The following TANC1 variants were observed in gnomAD, a reference collection of about 807,000 sequenced individuals.
The protein encoded by TANC1 is protein TANC1.
A neutral mutation model predicts 149.7 loss-of-function variants in TANC1; 77 were observed. The ratio of observed to expected loss-of-function variants is 0.51; its 90% CI spans 0.43 to 0.62. The LOEUF (loss-of-function observed/expected upper bound fraction) is 0.62. Among genes scored for constraint, TANC1 ranks in the 20% least tolerant of loss-of-function variants. TANC1 has a pLI of 0.00. For missense variants in TANC1, 1,985 were observed against 2,321.8 expected (o/e 0.85, Z 2.98); for synonymous variants, 854 against 925.0 (o/e 0.92, Z 1.39).
At chr2:159,113,614 C>T (rs187272572) in intron 4 of TANC1, among the ~76,000 whole-genome samples, 1 of 152,282 alleles carries the variant, frequency 6.6e-6, no homozygotes, top group Admixed American at 6.5e-5. Context: ...TTTTATTGTC[C>T]TCTCTCCTGT....
At chr2:159,167,517 G>A (rs546885044) in intron 8 of TANC1, among the ~76,000 whole-genome samples, 1 of 152,242 alleles carries the variant, frequency 6.6e-6, no homozygotes, top group African/African-American at 2.4e-5. Flanking sequence ...GTAATTAGCT[G>A]AGTCTTTCTA....
At chr2:159,074,856 C>T (rs994918721) in intron 3 of TANC1, among the ~76,000 whole-genome samples, 1 of 152,016 alleles carries the variant, frequency 6.6e-6, no homozygotes, top group African/African-American at 2.4e-5. Flanking sequence ...AGGGGTTGCC[C>T]TCTCCCTGTG....
intron 1 of TANC1, among the ~76,000 whole-genome samples, chr2:158,981,202 C>A (rs1329981561): frequency 6.6e-6 from 1 of 151,866 alleles, no homozygotes; most frequent in Admixed American, 6.6e-5. Flanking sequence ...CACCTGTAAT[C>A]CTGGCACTTT....
chr2:159,116,352 A>G (rs755783365), intron 4 of TANC1, among the ~76,000 whole-genome samples: 1 of 151,892 alleles, frequency 6.6e-6, no homozygotes, highest in Admixed American at 6.6e-5. Context: ...GCTTGAACCC[A>G]GGAGGCAGAT....
At chr2:159,134,155 A>C (rs932654828) in intron 4 of TANC1, among the ~76,000 whole-genome samples, 1 of 152,160 alleles carries the variant, frequency 6.6e-6, no homozygotes, top group Non-Finnish European at 1.5e-5. Flanking sequence ...GGATAGTTGT[A>C]GATTCCTGCC....
At chr2:159,023,252 T>C (rs148709877) in intron 2 of TANC1, among the ~76,000 whole-genome samples, 2 of 152,250 alleles carry the variant, frequency 1.3e-5, no homozygotes, top group Non-Finnish European at 2.9e-5. Context: ...TCTCTCTCAT[T>C]CTAGAAAGAG....
At chr2:159,157,150 G>T (rs931334359) in intron 7 of TANC1, among the ~76,000 whole-genome samples, 3 of 152,246 alleles carry the variant, frequency 2.0e-5, no homozygotes, top group Non-Finnish European at 2.9e-5. Context: ...GGAGAAGCCA[G>T]AAGTCTCCTG....
At chr2:159,148,170 C>T (rs2052350749) in intron 5 of TANC1, 1 of 152,206 alleles carries the variant, frequency 6.6e-6, no homozygotes. Flanking sequence ...GTGACTATGT[C>T]ATAGGTTACT....
rs978857596 is a variant in TANC1, at chr2:159,047,193, C to T, written c.-15-18703C>T. Among the ~76,000 whole-genome samples the T allele has an allele frequency of 2.0e-5, 3 of 150,440 alleles. No individual in the cohort carries two copies. In the East Asian group the frequency reaches 5.9e-4, roughly 29 times the overall value. On this transcript the variant is annotated intron_variant, in intron 2 of 26. Coordinates refer to ENST00000263635, the MANE Select transcript of TANC1 (RefSeq NM_033394.3). ...ATATCCAAACTGAACTCATTTCCCC[C>T]CCCCAGTTATTGCCTGCTTCCTGCT... is the stretch of plus-strand genomic sequence containing the variant.
intron 4 of TANC1, among the ~76,000 whole-genome samples, chr2:159,107,552 T>A (rs1201512087): frequency 6.6e-6 from 1 of 152,204 alleles, no homozygotes; most frequent in Non-Finnish European, 1.5e-5. Context: ...CTTCATTCTC[T>A]TTCACGTGGA....
At chr2:159,124,582 T>TA (rs1417796420) in intron 4 of TANC1, among the ~76,000 whole-genome samples, 1 of 152,166 alleles carries the variant, frequency 6.6e-6, no homozygotes, top group East Asian at 1.9e-4. Flanking sequence ...CCCTGTGGCT[T>TA]AAGGCCTACT....
At position 159,229,659 on chromosome 2, in the gene TANC1, C is replaced by T; in HGVS notation, c.4233C>T (p.Ala1411=). Residue 1411 remains alanine (A), a synonymous_variant, in exon 27 of 27, where the codon GCC becomes GCT. Transcript: ENST00000263635. ...ATCAGGAAGTCAAGAGGCTTCTGGC[C>T]CGCGTAGAAGAGGAGTGCAAACAAC... is the stretch of plus-strand genomic sequence containing the variant. The part of the protein sequence containing the change: ...PTNQEVKRLL[A]RVEEECKQLQ... 6.2e-7 allele frequency: 1 copy of T among 1,614,046 alleles called. No homozygotes were observed. Among genetic ancestry groups the T allele is most frequent in the Non-Finnish European group, 8.5e-7 (1 of 1,180,026 alleles).
chr2:159,219,494 A>C lies in TANC1; in HGVS notation c.3502+133A>C, dbSNP rs140854840. Reference sequence around the variant, plus strand: ...AATTTTCTAATAAACAGTAGAGAGAATAGGCAACACAGCCACATGCCTGGT... The same window carrying C: ...AATTTTCTAATAAACAGTAGAGAGACTAGGCAACACAGCCACATGCCTGGT... On this transcript the variant is annotated intron_variant, in intron 21 of 26. Coordinates refer to ENST00000263635, the MANE Select transcript of TANC1 (RefSeq NM_033394.3). The C allele has an allele frequency of 8.3e-5, 114 of 1,377,368 alleles. No homozygotes were observed. In the East Asian group the frequency reaches 2.4e-3, roughly 29 times the overall value. 85.3% of individuals were successfully genotyped at this position (1,377,368 alleles called of 1,614,324 possible).
At chr2:159,110,873 GC>G (rs2150021182) in intron 4 of TANC1, among the ~76,000 whole-genome samples, 1 of 152,282 alleles carries the variant, frequency 6.6e-6, no homozygotes, top group Non-Finnish European at 1.5e-5. Flanking sequence ...TTTCTGGCAA[GC>G]ATGTGTCGTC....
At chr2:159,158,346 C>T (rs1349301326) in intron 7 of TANC1, among the ~76,000 whole-genome samples, 1 of 151,876 alleles carries the variant, frequency 6.6e-6, no homozygotes, top group Admixed American at 6.6e-5. Flanking sequence ...GGCAACAGAG[C>T]GAGACCCTGT....
intron 2 of TANC1, among the ~76,000 whole-genome samples, chr2:159,050,308 C>T (rs965402282): frequency 6.6e-6 from 1 of 152,142 alleles, no homozygotes. Flanking sequence ...CAAAGACTCA[C>T]ACTCCTGGAC....
At chr2:159,076,784 AG>A (rs2043726685) in intron 3 of TANC1, among the ~76,000 whole-genome samples, 1 of 152,210 alleles carries the variant, frequency 6.6e-6, no homozygotes, top group Admixed American at 6.5e-5. Context: ...TCGTATAGCT[AG>A]TTAAAGCAAA....
intron 7 of TANC1, among the ~76,000 whole-genome samples, chr2:159,159,553 T>G (rs1575020719): frequency 6.6e-6 from 1 of 152,148 alleles, no homozygotes; most frequent in Admixed American, 6.5e-5. Flanking sequence ...CAAGGCAGAC[T>G]TCATGAACTT....
chr2:159,159,705 T>C (rs1405654794), intron 7 of TANC1, among the ~76,000 whole-genome samples: 1 of 62,956 alleles, frequency 1.6e-5, no homozygotes, highest in African/African-American at 6.0e-5. Flanking sequence ...TGTGTGTGTG[T>C]GTGTGTGTGT....
Sources: gnomAD v4.1 joint callset for allele counts (sites outside exome capture counted in the v4.1 genomes callset) on GRCh38, gnomAD v4.1.1 for gene constraint, MANE v1.5 for transcripts, NCBI Gene and HGNC (gene_info 2026-07-23, HGNC 2026-07-21) for gene names.